GALNT13: variants seen among roughly 807,000 people sequenced by gnomAD.
GALNT13 encodes the protein polypeptide N-acetylgalactosaminyltransferase 13, also known as UDP-GalNAc:polypeptide N-acetylgalactosaminyltransferase 13.
Under a neutral mutation model 64.2 loss-of-function variants are expected in GALNT13, and 28 were observed. That is an observed-to-expected ratio of 0.44 (90% CI 0.32 to 0.60). GALNT13 has a LOEUF of 0.60. GALNT13 is among the 20% of genes least tolerant of loss of function. The probability of loss-of-function intolerance (pLI) is 0.05; values close to 1 mark genes in which losing one functional copy is unlikely to be tolerated. For missense variants in GALNT13, 577 were observed against 669.8 expected, an observed-to-expected ratio of 0.86 and a Z score of 1.53; for synonymous variants, 214 against 224.6, an observed-to-expected ratio of 0.95 and a Z score of 0.42.
At chr2:153,701,089 A>C in the GALNT13 span, among the ~76,000 whole-genome samples, 1 of 152,212 alleles carries the variant, frequency 6.6e-6, no homozygotes, top group South Asian at 2.1e-4. Flanking sequence ...GTCTCACTTC[A>C]ACCTATACCT....
At chr2:154,067,852 C>G (rs1367229104) in intron 3 of GALNT13, among the ~76,000 whole-genome samples, 1 of 151,908 alleles carries the variant, frequency 6.6e-6, no homozygotes, top group Non-Finnish European at 1.5e-5. Context: ...GCAACCAAAG[C>G]AAAAATGGAC....
chr2:153,789,105 A>G, the GALNT13 span, among the ~76,000 whole-genome samples: 133 of 152,316 alleles, frequency 8.7e-4, 1 homozygote, highest in Non-Finnish European at 1.6e-3. Context: ...TGGATATGAT[A>G]GATGTGTACA....
At chr2:153,370,717 C>G in the GALNT13 span, 1 of 152,210 alleles carries the variant, frequency 6.6e-6, no homozygotes, top group African/African-American at 2.4e-5. Flanking sequence ...AGACACAGAT[C>G]CATATGTCAC....
intron 2 of GALNT13, among the ~76,000 whole-genome samples, chr2:153,908,335 T>C (rs1688717309): frequency 1.3e-5 from 2 of 152,142 alleles, no homozygotes; most frequent in South Asian, 4.1e-4. Context: ...TCCCATTCTA[T>C]AGGTTGTCTG....
intron 9 of GALNT13, among the ~76,000 whole-genome samples, chr2:154,327,459 G>T (rs920203612): frequency 6.6e-6 from 1 of 152,054 alleles, no homozygotes; most frequent in South Asian, 2.1e-4. Flanking sequence ...CCAAGTTGGG[G>T]ATTTGCAGGT....
chr2:154,145,536 A>G (rs1470570892), intron 4 of GALNT13, among the ~76,000 whole-genome samples: 1 of 151,988 alleles, frequency 6.6e-6, no homozygotes, highest in Non-Finnish European at 1.5e-5. Context: ...TTTGAAGGTT[A>G]TAATGCAGCT....
chr2:153,203,686 G>A, the GALNT13 span, among the ~76,000 whole-genome samples: 2 of 152,202 alleles, frequency 1.3e-5, no homozygotes, highest in South Asian at 4.1e-4. Flanking sequence ...AATTTCCATA[G>A]TAGCTTGTTT....
chr2:154,118,122 C>G (rs1252236991), intron 3 of GALNT13, among the ~76,000 whole-genome samples: 1 of 152,026 alleles, frequency 6.6e-6, no homozygotes, highest in Non-Finnish European at 1.5e-5. Context: ...GAAGTCCCAC[C>G]TTGTTATTTA....
intron 12 of GALNT13, among the ~76,000 whole-genome samples, chr2:154,443,748 A>G (rs1311368521): frequency 6.6e-6 from 1 of 152,052 alleles, no homozygotes; most frequent in Non-Finnish European, 1.5e-5. Flanking sequence ...AAAGTTAGAG[A>G]TACTCCACGC....
intron 12 of GALNT13, among the ~76,000 whole-genome samples, chr2:154,445,433 G>T (rs905006026): frequency 2.0e-5 from 3 of 151,650 alleles, no homozygotes; most frequent in African/African-American, 7.3e-5. Context: ...TCCAAGAAAA[G>T]TTCACTTCAA....
chr2:154,177,420 A>G lies in GALNT13; in HGVS notation c.311+36915A>G, dbSNP rs569281675. Among the ~76,000 whole-genome samples the G allele has an allele frequency of 2.0e-5, 3 of 152,278 alleles. No individual in the cohort carries two copies. In the South Asian group the frequency reaches 6.2e-4, roughly 32 times the overall value. On this transcript the variant is annotated intron_variant, in intron 4 of 12. Transcript: ENST00000392825. ...CAGGAGCTGGGGAGGGGGAATGAATAGGTGGAACACAGGATTTTAGGGCAT... is the reference window on the plus strand; with the variant it reads ...CAGGAGCTGGGGAGGGGGAATGAATGGGTGGAACACAGGATTTTAGGGCAT...
At chr2:153,305,544 TG>T in the GALNT13 span, among the ~76,000 whole-genome samples, 3 of 152,166 alleles carry the variant, frequency 2.0e-5, no homozygotes, top group African/African-American at 7.2e-5. Flanking sequence ...AATGGGAAGA[TG>T]TTTTGGAAAG....
At chr2:153,117,761 A>G in the GALNT13 span, among the ~76,000 whole-genome samples, 376 of 152,220 alleles carry the variant, frequency 2.5e-3, 1 homozygote, top group African/African-American at 8.8e-3. Context: ...CCCTGTTTTT[A>G]TCTAAAGTCA....
intron 4 of GALNT13, among the ~76,000 whole-genome samples, chr2:154,226,785 C>T (rs1362825231): frequency 6.6e-6 from 1 of 151,970 alleles, no homozygotes; most frequent in African/African-American, 2.4e-5. Flanking sequence ...TTTTATGCCG[C>T]AAGAACAAAG....
At chr2:153,418,296 C>T in the GALNT13 span, among the ~76,000 whole-genome samples, 2 of 152,134 alleles carry the variant, frequency 1.3e-5, no homozygotes, top group Non-Finnish European at 2.9e-5. Flanking sequence ...CTAGCACCTC[C>T]AGAAGGTTTG....
the GALNT13 span, among the ~76,000 whole-genome samples, chr2:153,737,508 C>T: frequency 7.9e-5 from 12 of 151,832 alleles, no homozygotes; most frequent in African/African-American, 2.9e-4. Context: ...TAAATATCTC[C>T]TAGGTTGCAT....
chr2:153,854,374 G>A, the GALNT13 span, among the ~76,000 whole-genome samples: 3 of 152,002 alleles, frequency 2.0e-5, no homozygotes, highest in African/African-American at 7.2e-5. Context: ...GAGGTCAGGA[G>A]TTCAAGACCA....
At chr2:153,655,603 G>A in the GALNT13 span, among the ~76,000 whole-genome samples, 1 of 152,094 alleles carries the variant, frequency 6.6e-6, no homozygotes, top group Non-Finnish European at 1.5e-5. Flanking sequence ...CATGATGACA[G>A]GGCAGGTTAT....
chr2:153,497,729 G>A, the GALNT13 span, among the ~76,000 whole-genome samples: 1 of 151,602 alleles, frequency 6.6e-6, no homozygotes, highest in African/African-American at 2.4e-5. Flanking sequence ...GTAGAGACGG[G>A]GTTTCACCAT....
Sources: gnomAD v4.1 joint callset for allele counts (sites outside exome capture counted in the v4.1 genomes callset) on GRCh38, gnomAD v4.1.1 for gene constraint, MANE v1.5 for transcripts, NCBI Gene and HGNC (gene_info 2026-07-23, HGNC 2026-07-21) for gene names.